The following CTDNEP1 variants were observed in gnomAD, a reference collection of about 807,000 sequenced individuals.
CTDNEP1 encodes the protein C-terminal domain nuclear envelope phosphatase 1.
CTDNEP1 carries 3 observed loss-of-function variants against 30.1 expected under a neutral mutation model. That is an observed-to-expected ratio of 0.10 (90% confidence interval 0.05 to 0.26). The LOEUF (loss-of-function observed/expected upper bound fraction) is 0.26, where lower values mean the gene tolerates loss of function less well. Ranked by LOEUF, CTDNEP1 falls within the 10% of genes least tolerant of loss-of-function variation. The probability of loss-of-function intolerance (pLI) is 1.00; values close to 1 mark genes in which losing one functional copy is unlikely to be tolerated. For missense variants in CTDNEP1, 158 were observed against 310.4 expected (o/e 0.51, Z 3.69); for synonymous variants, 123 against 118.8 (o/e 1.04, Z -0.23).
upstream of CTDNEP1, chr17:7,251,871 T>TC (rs878947071): frequency 6.5e-6 from 1 of 153,808 alleles, no homozygotes; most frequent in African/African-American, 2.4e-5. Flanking sequence ...CGGAGCGGCC[T>TC]CCCCCTCCCC....
At chr17:7,244,491 A>G in intron 7 of CTDNEP1, 60 bp downstream of exon 7, 1 of 1,463,522 alleles carries the variant, frequency 6.8e-7, no homozygotes, top group Non-Finnish European at 9.6e-7. Flanking sequence ...ATTCCCTCTG[A>G]GGATCCCCCA....
Position 7,251,218 on chromosome 17 carries a change from G to C in CTDNEP1, c.79C>G (p.Leu27Val), listed in dbSNP as rs777658150. 1 of 1,602,884 alleles carries C rather than the reference G, an allele frequency of 6.2e-7. No individual in the cohort carries two copies. Among genetic ancestry groups the C allele is most frequent in the Non-Finnish European group, 8.5e-7 (1 of 1,175,844 alleles). ...AAKLWSFFIY[L>V]LRRQIRTVIQ... ...ACCGTGCGGATCTGCCTCCGCAGAA[G>C]GTAAATGAAGAAGCTCCAGAGCTTG... Residue 27 changes from leucine to valine, a missense_variant, in exon 1 of 8, where the codon CTT becomes GTT. Transcript: ENST00000574322.
Position 7,246,597 on chromosome 17 carries a change from G to C in CTDNEP1, c.360+194C>G. The C allele has an allele frequency of 1.5e-6, 1 of 665,880 alleles. No homozygotes were observed. Among genetic ancestry groups the C allele is most frequent in the Non-Finnish European group, 2.7e-6 (1 of 374,596 alleles). The allele number at this position is 665,880 out of a possible 1,614,324, so 41.2% of individuals were successfully genotyped here. Reference sequence around the variant, plus strand: ...GCAAGAACAAAAGAGAAAGATGCCAGCGGAAAAGAATTACATCAGCACAAC... The same window carrying C: ...GCAAGAACAAAAGAGAAAGATGCCACCGGAAAAGAATTACATCAGCACAAC... On this transcript the variant is annotated intron_variant, in intron 4 of 7. Coordinates refer to ENST00000574322, the MANE Select transcript of CTDNEP1 (RefSeq NM_001143775.2). The surrounding 1 kb of genome is among the most constrained non-coding windows in gnomAD (Gnocchi z 4.9).
Position 7,246,576 on chromosome 17 carries a change from G to C in CTDNEP1, c.361-206C>G, listed in dbSNP as rs1363609877. On this transcript the variant is annotated intron_variant, in intron 4 of 7. Transcript: ENST00000574322. This position sits in a 1 kb window ranked among gnomAD's most constrained non-coding sequence, Gnocchi z 4.9. ...ACACTCTTATGATTCAGAAATGCAA[G>C]AACAAAAGAGAAAGATGCCAGCGGA... The C allele has an allele frequency of 6.2e-6, 4 of 646,242 alleles. No homozygotes were observed. The highest frequency in any genetic ancestry group is 3.2e-4 in the Middle Eastern group (1 of 3,082). The allele number at this position is 646,242 out of a possible 1,614,324, so 40.0% of individuals were successfully genotyped here.
At chr17:7,248,420 C>T (rs2071872701) in intron 1 of CTDNEP1, among the ~76,000 whole-genome samples, 1 of 141,112 alleles carries the variant, frequency 7.1e-6, no homozygotes, top group African/African-American at 2.7e-5. Flanking sequence ...AGTGCAGTGG[C>T]GCGATCTCAG....
At chr17:7,247,791 CATA>C (rs2071862602) in intron 1 of CTDNEP1, among the ~76,000 whole-genome samples, 1 of 151,770 alleles carries the variant, frequency 6.6e-6, no homozygotes, top group South Asian at 2.1e-4. Context: ...TCAAAACAAC[CATA>C]ATATTACTGT....
intron 1 of CTDNEP1, 79 bp from the exon 2 acceptor site, chr17:7,247,422 A>G: frequency 9.3e-7 from 1 of 1,079,788 alleles, no homozygotes; most frequent in South Asian, 1.3e-5. Context: ...GCACATAATG[A>G]ACATTTACCA....
chr17:7,250,386 G>A (rs184713712), intron 1 of CTDNEP1, among the ~76,000 whole-genome samples: 1 of 152,314 alleles, frequency 6.6e-6, no homozygotes, highest in African/African-American at 2.4e-5. Flanking sequence ...GAAAAGCTAA[G>A]GGAGAGGGGA....
intron 1 of CTDNEP1, among the ~76,000 whole-genome samples, chr17:7,250,033 C>G (rs1189434648): frequency 6.6e-6 from 1 of 152,114 alleles, no homozygotes. Context: ...CCACAACCAT[C>G]CTGTACTGTT....
chr17:7,244,240 G>A lies in CTDNEP1; in HGVS notation c.680C>T (p.Thr227Ile). The A allele has an allele frequency of 2.5e-6, 4 of 1,614,098 alleles. No individual in the cohort carries two copies. Among genetic ancestry groups the A allele is most frequent in the Non-Finnish European group, 3.4e-6 (4 of 1,180,018 alleles). ...GCTCAGCACGGAACGAACATCAGCGGTGAACCTGGGGTGACAATAACTTGC... is the reference window on the plus strand; with the variant it reads ...GCTCAGCACGGAACGAACATCAGCGATGAACCTGGGGTGACAATAACTTGC... The part of the protein sequence containing the change: ...LLPMLDALRF[T>I]ADVRSVLSRN... Residue 227 changes from threonine to isoleucine, a missense_variant, in exon 8 of 8, where the codon ACC becomes ATC. Thr to Ile is a moderately conservative substitution (Grantham distance 89). Coordinates refer to ENST00000574322, the MANE Select transcript of CTDNEP1 (RefSeq NM_001143775.2).
Position 7,246,626 on chromosome 17 carries a change from T to C in CTDNEP1, c.360+165A>G. ...AAAAGAATTACATCAGCACAACAAATGAACCCCAAGTACTGAAAGCCACTC... is the reference window on the plus strand; with the variant it reads ...AAAAGAATTACATCAGCACAACAAACGAACCCCAAGTACTGAAAGCCACTC... On this transcript the variant is annotated intron_variant, in intron 4 of 7. Coordinates refer to ENST00000574322, the MANE Select transcript of CTDNEP1 (RefSeq NM_001143775.2). The surrounding 1 kb of genome is among the most constrained non-coding windows in gnomAD (Gnocchi z 4.9). 1.4e-6 allele frequency: 1 copy of C among 689,872 alleles called. No individual in the cohort carries two copies. The allele number at this position is 689,872 out of a possible 1,614,324, so 42.7% of individuals were successfully genotyped here.
intron 1 of CTDNEP1, among the ~76,000 whole-genome samples, chr17:7,247,641 G>A (rs2071860478): frequency 1.3e-5 from 2 of 151,658 alleles, no homozygotes; most frequent in African/African-American, 2.4e-5. Flanking sequence ...GCTCATTTTT[G>A]TATTTCTAGT....
chr17:7,247,614 G>A (rs748842238), intron 1 of CTDNEP1, among the ~76,000 whole-genome samples: 14 of 151,674 alleles, frequency 9.2e-5, no homozygotes, highest in African/African-American at 2.4e-4. Flanking sequence ...GACTACAGGC[G>A]TGCACCACCA....
In CTDNEP1 at chr17:7,243,804, A is replaced by C. The variant is rs1409391151; in HGVS notation, c.*381T>G. 2.6e-6 allele frequency: 1 copy of C among 384,462 alleles called. No individual in the cohort carries two copies. The highest frequency in any genetic ancestry group is 2.2e-5 in the African/African-American group (1 of 46,464). The allele number at this position is 384,462 out of a possible 1,614,324, so 23.8% of individuals were successfully genotyped here. On this transcript the variant is annotated 3_prime_UTR_variant, in exon 8 of 8. Coordinates refer to ENST00000574322, the MANE Select transcript of CTDNEP1 (RefSeq NM_001143775.2). The stretch of plus-strand genomic sequence containing the variant: ...TGAAGAATTAGATCAGTTTTGTACA[A>C]GAGTTTTTTAAAAAAAATCAAATCA...
Position 7,244,217 on chromosome 17 carries a change from T to C in CTDNEP1, c.703A>G (p.Ser235Gly). 1 of 1,614,090 alleles carries C rather than the reference T, an allele frequency of 6.2e-7. No individual in the cohort carries two copies. The highest frequency in any genetic ancestry group is 8.5e-7 in the Non-Finnish European group (1 of 1,180,024). ...RFTADVRSVL[S>G]RNLHQHRLW Reference sequence around the variant, plus strand: ...AGCCGATGTTGGTGAAGGTTTCGGCTCAGCACGGAACGAACATCAGCGGTG... The same window carrying C: ...AGCCGATGTTGGTGAAGGTTTCGGCCCAGCACGGAACGAACATCAGCGGTG... The change falls in exon 8 of 8, where the codon AGC becomes GGC. Residue 235 changes from serine to glycine, a missense_variant. Coordinates refer to ENST00000574322, the MANE Select transcript of CTDNEP1 (RefSeq NM_001143775.2).
At chr17:7,251,061 G>T in intron 1 of CTDNEP1, 134 bp downstream of exon 1, 1 of 598,980 alleles carries the variant, frequency 1.7e-6, no homozygotes, top group Non-Finnish European at 2.8e-6. Flanking sequence ...TCTCTGGCGA[G>T]AAAAGCCCCA....
intron 6 of CTDNEP1, 48 bp downstream of exon 6, chr17:7,245,978 C>T (rs1340848254): frequency 1.5e-6 from 2 of 1,327,538 alleles, no homozygotes; most frequent in Non-Finnish European, 2.2e-6. Context: ...AAAATACCTT[C>T]TCAGAACCAT....
At chr17:7,245,508 A>T (rs770410179) in intron 6 of CTDNEP1, among the ~76,000 whole-genome samples, 9 of 150,860 alleles carry the variant, frequency 6.0e-5, no homozygotes, top group Admixed American at 2.0e-4. Flanking sequence ...TTTATTATTT[A>T]TTTTTTTTGA....
chr17:7,243,974 A>T lies in CTDNEP1; in HGVS notation c.*211T>A. Reference sequence around the variant, plus strand: ...AGTCTGGGGTTTCCATGGAGTGTGAACACGAAGTTAAGAGTGAGGCTGCTT... The same window carrying T: ...AGTCTGGGGTTTCCATGGAGTGTGATCACGAAGTTAAGAGTGAGGCTGCTT... On this transcript the variant is annotated 3_prime_UTR_variant, in exon 8 of 8. Transcript: ENST00000574322. 1 of 1,387,320 alleles carries T rather than the reference A, an allele frequency of 7.2e-7. No homozygotes were observed. Among genetic ancestry groups the T allele is most frequent in the Non-Finnish European group, 9.4e-7 (1 of 1,069,124 alleles). The allele number at this position is 1,387,320 out of a possible 1,614,324, so 85.9% of individuals were successfully genotyped here.
Sources: gnomAD v4.1 joint callset for allele counts (sites outside exome capture counted in the v4.1 genomes callset) on GRCh38, gnomAD v4.1.1 for gene constraint, Gnocchi (gnomAD v3.1) non-coding constraint, MANE v1.5 for transcripts, NCBI Gene and HGNC (gene_info 2026-07-23, HGNC 2026-07-21) for gene names.